Variants in STIM1 observed in about 807,000 individuals in gnomAD.
STIM1 encodes the protein stromal interaction molecule 1.
STIM1 carries 25 observed loss-of-function variants against 74.7 expected under a neutral mutation model. The observed-to-expected ratio is 0.33, with a 90% CI of 0.24 to 0.47. The LOEUF is 0.47. STIM1 is among the 20% of genes least tolerant of loss of function. The pLI is 1.00. For missense variants in STIM1, 728 were observed against 920.8 expected (o/e 0.79, Z 2.71); for synonymous variants, 328 against 348.8 (o/e 0.94, Z 0.66).
intron 5 of STIM1, among the ~76,000 whole-genome samples, chr11:4,069,789 C>G (rs1423715271): frequency 6.6e-6 from 1 of 152,170 alleles, no homozygotes; most frequent in African/African-American, 2.4e-5. Context: ...TAATAAGCAT[C>G]CTGTATTGCT....
chr11:3,896,529 C>T (rs1236175529), intron 1 of STIM1, among the ~76,000 whole-genome samples: 2 of 152,192 alleles, frequency 1.3e-5, no homozygotes, highest in Non-Finnish European at 2.9e-5. Flanking sequence ...GCCGATGCAA[C>T]ACTAGGTAGT....
chr11:3,925,760 A>G (rs566097022), intron 1 of STIM1, among the ~76,000 whole-genome samples: 1 of 152,354 alleles, frequency 6.6e-6, no homozygotes, highest in African/African-American at 2.4e-5. Flanking sequence ...ATGTAATGTA[A>G]TTGTGGCTAC....
At chr11:4,009,264 C>T (rs1335056805) in intron 2 of STIM1, among the ~76,000 whole-genome samples, 1 of 148,906 alleles carries the variant, frequency 6.7e-6, no homozygotes, top group East Asian at 2.0e-4. Flanking sequence ...CACTGCACTC[C>T]AGCCTGTGCA....
chr11:3,978,833 A>C (rs16929540), intron 2 of STIM1, among the ~76,000 whole-genome samples: 8,237 of 152,076 alleles, frequency 0.054, 368 homozygotes, highest in East Asian at 0.18. Flanking sequence ...CATCCAGAGT[A>C]ATGCTAGGTC....
intron 2 of STIM1, among the ~76,000 whole-genome samples, chr11:3,991,950 CAAAAAAAAAAAAAA>C (rs1230185435): frequency 2.7e-5 from 1 of 36,702 alleles, no homozygotes; most frequent in East Asian, 1.1e-3. Flanking sequence ...AACTCCATCT[CAAAAAAAAAAAAAA>C]AAAAAAAAGA....
intron 1 of STIM1, among the ~76,000 whole-genome samples, chr11:3,930,746 G>C (rs2092849599): frequency 6.6e-6 from 1 of 152,208 alleles, no homozygotes; most frequent in South Asian, 2.1e-4. Flanking sequence ...TTGTTTGCCA[G>C]ATCTGCTGTC....
intron 2 of STIM1, among the ~76,000 whole-genome samples, chr11:3,979,001 T>C (rs1476761756): frequency 2.0e-5 from 3 of 152,092 alleles, no homozygotes; most frequent in Non-Finnish European, 4.4e-5. Context: ...GAATCAGAGC[T>C]AAGGGAGCTA....
At position 4,064,951 on chromosome 11, in the gene STIM1, A is replaced by G. The variant is rs537525112; in HGVS notation, c.614-5075A>G. 3.3e-5 allele frequency among the ~76,000 whole-genome samples: 5 copies of G among 152,344 alleles called. No individual in the cohort carries two copies. The East Asian group carries it at 9.6e-4, about 29-fold the overall frequency. ...ACTTCCATTAGAGGAAACAAGATAT[A>G]ATAAAGAGTTCCAGCTTTGAAATCA... On this transcript the variant is annotated intron_variant, in intron 5 of 12. Coordinates refer to ENST00000526596, the MANE Select transcript of STIM1 (RefSeq NM_001382567.1).
chr11:3,880,856 T>C (rs1447231997), intron 1 of STIM1, among the ~76,000 whole-genome samples: 2 of 152,136 alleles, frequency 1.3e-5, no homozygotes, highest in East Asian at 1.9e-4. Context: ...CATGGACCAA[T>C]ACATCCTATT....
intron 1 of STIM1, among the ~76,000 whole-genome samples, chr11:3,857,144 G>A (rs1476910019): frequency 4.5e-5 from 6 of 133,166 alleles, no homozygotes; most frequent in African/African-American, 1.6e-4. Flanking sequence ...GCTTGCTAGG[G>A]AAACCATGCT....
intron 3 of STIM1, among the ~76,000 whole-genome samples, chr11:4,036,170 T>C (rs1335470807): frequency 6.6e-6 from 1 of 152,260 alleles, no homozygotes; most frequent in Non-Finnish European, 1.5e-5. Context: ...TTCATGTCCC[T>C]GCAAAGGACA....
At chr11:4,004,969 A>C (rs1590640179) in intron 2 of STIM1, among the ~76,000 whole-genome samples, 1 of 152,224 alleles carries the variant, frequency 6.6e-6, no homozygotes, top group South Asian at 2.1e-4. Context: ...GCAGCCAAAA[A>C]ACACATGAGA....
intron 1 of STIM1, among the ~76,000 whole-genome samples, chr11:3,899,629 T>C (rs1028764326): frequency 3.3e-5 from 5 of 151,508 alleles, no homozygotes; most frequent in Non-Finnish European, 7.4e-5. Flanking sequence ...TTTTTGTCCA[T>C]TCAGTATGAT....
intron 2 of STIM1, among the ~76,000 whole-genome samples, chr11:3,973,672 C>T (rs777621754): frequency 2.6e-5 from 4 of 152,104 alleles, no homozygotes; most frequent in Non-Finnish European, 5.9e-5. Context: ...GCTAGAATTA[C>T]AGGCATGAGC....
chr11:3,974,452 G>A (rs947771230), intron 2 of STIM1, among the ~76,000 whole-genome samples: 2 of 148,554 alleles, frequency 1.3e-5, no homozygotes, highest in African/African-American at 5.0e-5. Flanking sequence ...GAGGCAGGAG[G>A]ATTGCTTGAG....
intron 3 of STIM1, among the ~76,000 whole-genome samples, chr11:4,034,575 C>G (rs1832328624): frequency 6.6e-6 from 1 of 152,056 alleles, no homozygotes; most frequent in African/African-American, 2.4e-5. Flanking sequence ...ATGAAGGATA[C>G]TGGTTTGTAG....
At chr11:3,908,080 C>T (rs1334139298) in intron 1 of STIM1, among the ~76,000 whole-genome samples, 2 of 152,194 alleles carry the variant, frequency 1.3e-5, no homozygotes, top group African/African-American at 2.4e-5. Flanking sequence ...ACCTTGCACC[C>T]CCACTCCCTG....
intron 1 of STIM1, among the ~76,000 whole-genome samples, chr11:3,864,578 G>A (rs1289495928): frequency 6.6e-6 from 1 of 152,216 alleles, no homozygotes; most frequent in Non-Finnish European, 1.5e-5. Context: ...GCAAGAGAGA[G>A]TGCCTAAGAT....
chr11:3,892,895 A>G, intron 1 of STIM1: 2 of 1,449,040 alleles, frequency 1.4e-6, no homozygotes, highest in South Asian at 1.1e-5. Flanking sequence ...CACGGCTGAT[A>G]GTACGGGGCT....
Sources: allele counts gnomAD v4.1 joint callset (sites outside exome capture counted in the v4.1 genomes callset), GRCh38; gene constraint gnomAD v4.1.1; transcripts MANE v1.5; gene names NCBI Gene and HGNC (gene_info 2026-07-23, HGNC 2026-07-21).